The following GRB14 variants were observed in gnomAD, a reference collection of about 807,000 sequenced individuals.
The protein encoded by GRB14 is growth factor receptor-bound protein 14.
Under a neutral mutation model 69.1 loss-of-function variants are expected in GRB14, and 38 were observed. The ratio of observed to expected loss-of-function variants is 0.55; its 90% CI spans 0.42 to 0.72. The LOEUF is 0.72. Among genes scored for constraint, GRB14 ranks in the 30% least tolerant of loss-of-function variants. GRB14 has a pLI of 0.00. For missense variants in GRB14, 666 were observed against 666.1 expected, an observed-to-expected ratio of 1.00 and a Z score of 0.00; for synonymous variants, 247 against 241.3, an observed-to-expected ratio of 1.02 and a Z score of -0.22.
intron 2 of GRB14, among the ~76,000 whole-genome samples, chr2:164,587,384 T>C (rs899403231): frequency 1.5e-4 from 23 of 152,186 alleles, no homozygotes; most frequent in African/African-American, 5.5e-4. Flanking sequence ...GGATGTTCAT[T>C]ATCTAAGGTG....
At chr2:164,541,419 C>T (rs1035904515) in intron 3 of GRB14, among the ~76,000 whole-genome samples, 1 of 151,664 alleles carries the variant, frequency 6.6e-6, no homozygotes, top group African/African-American at 2.4e-5. Flanking sequence ...GTGCAGTGAG[C>T]CAAGATTGCG....
chr2:164,521,191 A>G (rs899864834), intron 6 of GRB14, among the ~76,000 whole-genome samples: 11 of 152,116 alleles, frequency 7.2e-5, no homozygotes, highest in Non-Finnish European at 1.6e-4. Flanking sequence ...AACCATAAAA[A>G]GGAATGAAAT....
intron 2 of GRB14, among the ~76,000 whole-genome samples, chr2:164,601,417 T>C (rs767541568): frequency 3.9e-5 from 6 of 152,116 alleles, no homozygotes; most frequent in Admixed American, 6.6e-5. Context: ...CTTTTTATTG[T>C]TTTCACTATA....
intron 2 of GRB14, among the ~76,000 whole-genome samples, chr2:164,582,423 TA>T (rs1375400543): frequency 0.13 from 12,223 of 91,746 alleles, 1,191 homozygotes; most frequent in African/African-American, 0.36. Context: ...ATTTATTTAT[TA>T]TTTTTTTTTT....
At chr2:164,618,011 G>A (rs13035032) in intron 2 of GRB14, among the ~76,000 whole-genome samples, 104,414 of 142,552 alleles carry the variant, frequency 0.73, 38,924 homozygotes, top group Admixed American at 0.8. Flanking sequence ...CTGTCGTTCA[G>A]AGTGGAGTGC....
chr2:164,615,598 A>G (rs1309101776), intron 2 of GRB14, among the ~76,000 whole-genome samples: 3 of 152,232 alleles, frequency 2.0e-5, no homozygotes, highest in Non-Finnish European at 2.9e-5. Flanking sequence ...GCTGTGCCAC[A>G]TAGCATTCCT....
chr2:164,558,444 C>T (rs1366355973), intron 2 of GRB14, among the ~76,000 whole-genome samples: 2 of 152,130 alleles, frequency 1.3e-5, no homozygotes, highest in African/African-American at 4.8e-5. Flanking sequence ...CACAGACACA[C>T]ATGTTAAGAC....
chr2:164,532,128 G>C (rs998227971), intron 3 of GRB14, among the ~76,000 whole-genome samples: 1 of 152,214 alleles, frequency 6.6e-6, no homozygotes, highest in African/African-American at 2.4e-5. Flanking sequence ...TGTCCCAACA[G>C]AGTGCTGGAG....
intron 2 of GRB14, among the ~76,000 whole-genome samples, chr2:164,615,939 T>G (rs1690281161): frequency 6.6e-6 from 1 of 152,228 alleles, no homozygotes; most frequent in Non-Finnish European, 1.5e-5. Context: ...ACAGATGATT[T>G]CCTTATAAAT....
chr2:164,616,298 C>T lies in GRB14; in HGVS notation c.324+3389G>A, dbSNP rs532117418. Among the ~76,000 whole-genome samples, 23 of 151,920 alleles carry T rather than the reference C, an allele frequency of 1.5e-4. No homozygotes were observed. In the East Asian group the frequency reaches 2.9e-3, roughly 19 times the overall value. On this transcript the variant is annotated intron_variant, in intron 2 of 13. Coordinates refer to ENST00000263915, the MANE Select transcript of GRB14 (RefSeq NM_004490.3). ...AAAATTAGCTGGGCGTGGTGGCAGGCACCTCTAGTCCCAGCTACTCGGGAG... is the reference window on the plus strand; with the variant it reads ...AAAATTAGCTGGGCGTGGTGGCAGGTACCTCTAGTCCCAGCTACTCGGGAG...
chr2:164,515,022 C>A (rs893149466), intron 6 of GRB14, among the ~76,000 whole-genome samples: 1 of 152,164 alleles, frequency 6.6e-6, no homozygotes, highest in African/African-American at 2.4e-5. Flanking sequence ...GGCCTGAGAA[C>A]AACACTTCCA....
intron 6 of GRB14, among the ~76,000 whole-genome samples, chr2:164,514,479 A>G (rs1318408206): frequency 2.0e-5 from 3 of 152,188 alleles, no homozygotes; most frequent in Non-Finnish European, 4.4e-5. Flanking sequence ...GACATTACCT[A>G]CAGCTGAGAC....
Position 164,497,299 on chromosome 2 carries a change from G to GA in GRB14, c.1222-17dup. On this transcript the variant is annotated splice_polypyrimidine_tract_variant and intron_variant, in intron 10 of 13. Transcript: ENST00000263915. ...ATCCTTTTTTCTGAGCAAGGAAGGA[G>GA]AAAACAAATCTCAAGTTTTTAGGTG... The GA allele has an allele frequency of 1.2e-6, 2 of 1,610,972 alleles. No homozygotes were observed. The highest frequency in any genetic ancestry group is 1.7e-6 in the Non-Finnish European group (2 of 1,178,856).
At chr2:164,541,509 A>G (rs1437014744) in intron 3 of GRB14, among the ~76,000 whole-genome samples, 2 of 151,474 alleles carry the variant, frequency 1.3e-5, no homozygotes, top group Non-Finnish European at 2.9e-5. Context: ...TAATAATAAC[A>G]GAGGCTGAGG....
intron 3 of GRB14, among the ~76,000 whole-genome samples, chr2:164,542,046 A>G (rs983008995): frequency 2.6e-5 from 4 of 152,190 alleles, no homozygotes; most frequent in Non-Finnish European, 4.4e-5. Context: ...TCCTACAGTA[A>G]TCAAAACAGC....
chr2:164,525,574 T>C (rs1687749797), intron 4 of GRB14, among the ~76,000 whole-genome samples: 1 of 152,042 alleles, frequency 6.6e-6, no homozygotes, highest in South Asian at 2.1e-4. Flanking sequence ...TTTTTAATCA[T>C]AAAATTCACC....
rs750803021 is a variant in GRB14 at position 164,508,844 on chromosome 2, C to A, written c.825G>T (p.Arg275=). The change falls in exon 7 of 14, where the codon CGG becomes CGT. Residue 275 remains arginine, a synonymous_variant. Transcript: ENST00000263915. ...FSTKGTSKEP[R]HLQFFSEFGN... is the part of the protein sequence containing the mutation. ...CAAATTCGCTGAAAAACTGCAAATG[C>A]CGCGGTTCCTTAAAAAAAAAAGTAT... 6.4e-7 allele frequency: 1 copy of A among 1,569,986 alleles called. No individual in the cohort carries two copies. The highest frequency in any genetic ancestry group is 8.6e-7 in the Non-Finnish European group (1 of 1,164,730).
chr2:164,599,215 T>C (rs986722660), intron 2 of GRB14, among the ~76,000 whole-genome samples: 21 of 152,050 alleles, frequency 1.4e-4, no homozygotes, highest in Non-Finnish European at 2.4e-4. Context: ...TAGCTCAGGG[T>C]TCCCAAAGAG....
chr2:164,546,875 T>G (rs886905027), intron 3 of GRB14, among the ~76,000 whole-genome samples: 3 of 152,194 alleles, frequency 2.0e-5, no homozygotes, highest in Non-Finnish European at 4.4e-5. Flanking sequence ...CACCACACGA[T>G]AGGAGGTTCA....
Sources: allele counts gnomAD v4.1 joint callset (sites outside exome capture counted in the v4.1 genomes callset), GRCh38; gene constraint gnomAD v4.1.1; transcripts MANE v1.5; gene names NCBI Gene and HGNC (gene_info 2026-07-23, HGNC 2026-07-21).